The following SRGAP1 variants were observed in gnomAD, a reference collection of about 807,000 sequenced individuals.
SRGAP1 encodes the protein SLIT-ROBO Rho GTPase-activating protein 1.
A neutral mutation model predicts 121.9 loss-of-function variants in SRGAP1; 43 were observed. That is an observed-to-expected ratio of 0.35 (90% confidence interval 0.28 to 0.46). SRGAP1 has a LOEUF of 0.46. Among genes scored for constraint, SRGAP1 ranks in the 20% least tolerant of loss-of-function variants. SRGAP1 has a pLI of 1.00. For missense variants in SRGAP1, 1,102 were observed against 1,350.9 expected, an observed-to-expected ratio of 0.82 and a Z score of 2.89; for synonymous variants, 447 against 485.4, an observed-to-expected ratio of 0.92 and a Z score of 1.04.
At position 63,882,737 on chromosome 12, in the gene SRGAP1, G is replaced by A. The variant is rs1900236725; in HGVS notation, c.67+37854G>A. Among the ~76,000 whole-genome samples the A allele has an allele frequency of 2.0e-5, 3 of 152,090 alleles. No homozygotes were observed. The South Asian group carries it at 6.2e-4, about 32-fold the overall frequency. ...TATTGAATTTATTTACAGACTGTTG[G>A]TTAAAATCAAGTAACTGCTTTGTAA... On this transcript the variant is annotated intron_variant, in intron 1 of 21. Transcript: ENST00000355086.
chr12:63,990,158 G>A (rs748538303), intron 3 of SRGAP1, 86 bp downstream of exon 3: 1 of 1,052,744 alleles, frequency 9.5e-7, no homozygotes, highest in South Asian at 1.7e-5. Flanking sequence ...TGAAAAATTA[G>A]GTGAATGAAT....
Position 64,146,630 on chromosome 12 carries a change from A to G in SRGAP1, c.*3958A>G, listed in dbSNP as rs2037056472. On this transcript the variant is annotated 3_prime_UTR_variant, in exon 22 of 22. Transcript: ENST00000355086. ...TGAGAGGCCATTTTTTGTGCAGGAA[A>G]TGTGCTTAGGACTCAGTCTTGTTTT... is the stretch of plus-strand genomic sequence containing the variant. 6.6e-6 allele frequency: 1 copy of G among 152,136 alleles called. No individual in the cohort carries two copies. The highest frequency in any genetic ancestry group is 2.4e-5 in the African/African-American group (1 of 41,430). The allele number at this position is 152,136 out of a possible 1,614,324, so 9.4% of individuals were successfully genotyped here.
intron 6 of SRGAP1, among the ~76,000 whole-genome samples, chr12:64,057,606 A>G (rs374478339): frequency 3.3e-5 from 5 of 152,176 alleles, no homozygotes; most frequent in African/African-American, 1.2e-4. Context: ...AAGGCTCAAA[A>G]TAAGGAGTGG....
chr12:63,941,507 T>C (rs1358393222), intron 1 of SRGAP1, among the ~76,000 whole-genome samples: 1 of 152,184 alleles, frequency 6.6e-6, no homozygotes, highest in Non-Finnish European at 1.5e-5. Context: ...GAGGTGAAGC[T>C]CATGGTTTTC....
chr12:64,036,784 G>A (rs2034914242), intron 4 of SRGAP1, among the ~76,000 whole-genome samples: 2 of 152,220 alleles, frequency 1.3e-5, no homozygotes, highest in African/African-American at 4.8e-5. Flanking sequence ...TATTTGTTAA[G>A]TGAATAAATG....
rs893348448 is a variant in SRGAP1 at position 64,038,805 on chromosome 12, G to A, written c.490-3985G>A. 4 of 152,300 alleles carry A rather than the reference G, an allele frequency of 2.6e-5. No individual in the cohort carries two copies. In the South Asian group the frequency reaches 8.3e-4, roughly 32 times the overall value. The allele number at this position is 152,300 out of a possible 1,614,324, so 9.4% of individuals were successfully genotyped here. A position where few individuals can be genotyped will look rare whatever the true frequency, so the allele number is the denominator to read the frequency against. On this transcript the variant is annotated intron_variant, in intron 4 of 21. Coordinates refer to ENST00000355086, the MANE Select transcript of SRGAP1 (RefSeq NM_020762.4). ...GTGTATTGAATGGAGAATTATGCAT[G>A]AAGTTTTAGTAGAGAAGAATTCAAA...
chr12:63,969,724 G>A (rs966759043), intron 1 of SRGAP1, among the ~76,000 whole-genome samples: 1 of 151,848 alleles, frequency 6.6e-6, no homozygotes, highest in Non-Finnish European at 1.5e-5. Context: ...AACCCGGGAG[G>A]CAGAGCTTGC....
intron 1 of SRGAP1, among the ~76,000 whole-genome samples, chr12:63,954,783 G>A (rs2032410947): frequency 6.6e-6 from 1 of 151,964 alleles, no homozygotes; most frequent in African/African-American, 2.4e-5. Flanking sequence ...GAGCTTTGCT[G>A]CTTCCTAGTT....
intron 1 of SRGAP1, among the ~76,000 whole-genome samples, chr12:63,940,001 G>A (rs539185535): frequency 4.7e-5 from 7 of 149,960 alleles, no homozygotes; most frequent in South Asian, 4.3e-4. Flanking sequence ...TCTCTCTGTC[G>A]CCCAGGCTGG....
intron 10 of SRGAP1, 120 bp downstream of exon 10, chr12:64,080,490 A>C (rs1189339348): frequency 2.2e-6 from 2 of 915,012 alleles, no homozygotes; most frequent in Admixed American, 4.0e-5. Context: ...CTCTGTGTTT[A>C]GATTTGGTTT....
rs910473270 is a variant in SRGAP1, at chr12:64,035,772, G to T, written c.490-7018G>T. Among the ~76,000 whole-genome samples the T allele has an allele frequency of 5.3e-5, 8 of 152,258 alleles. No homozygotes were observed. In the East Asian group the frequency reaches 1.2e-3, roughly 22 times the overall value. ...TGAAATAGCAAAAAGGCATCTGTTG[G>T]TCTGCTTTTATTGTACCTCAGTTCT... On this transcript the variant is annotated intron_variant, in intron 4 of 21. Transcript: ENST00000355086.
Position 64,086,929 on chromosome 12 carries a change from A to G in SRGAP1, c.1409-70A>G, listed in dbSNP as rs971358649. On this transcript the variant is annotated intron_variant, in intron 10 of 21. Transcript: ENST00000355086. ...AGTGTTTTAAAATACCGGATAGGAGATACAAAAGAGTACCACATACACTCT... is the reference window on the plus strand; with the variant it reads ...AGTGTTTTAAAATACCGGATAGGAGGTACAAAAGAGTACCACATACACTCT... 6 of 1,149,616 alleles carry G rather than the reference A, an allele frequency of 5.2e-6. No homozygotes were observed. In the African/African-American group the frequency reaches 9.2e-5, roughly 18 times the overall value. 71.2% of individuals were successfully genotyped at this position (1,149,616 alleles called of 1,614,324 possible). A position where few individuals can be genotyped will look rare whatever the true frequency, so the allele number is the denominator to read the frequency against.
At chr12:64,008,455 A>G (rs1456793215) in intron 3 of SRGAP1, among the ~76,000 whole-genome samples, 1 of 152,184 alleles carries the variant, frequency 6.6e-6, no homozygotes, top group Non-Finnish European at 1.5e-5. Flanking sequence ...AGGTGGTGCT[A>G]TTCAGCCAAA....
chr12:63,850,167 G>A lies in SRGAP1; in HGVS notation c.67+5284G>A, dbSNP rs571850753. Among the ~76,000 whole-genome samples, 8 of 152,206 alleles carry A rather than the reference G, an allele frequency of 5.3e-5. No homozygotes were observed. In the East Asian group the frequency reaches 5.8e-4, roughly 11 times the overall value. On this transcript the variant is annotated intron_variant, in intron 1 of 21. Coordinates refer to ENST00000355086, the MANE Select transcript of SRGAP1 (RefSeq NM_020762.4). ...CTGATGTTTTGGTGAAGCTGATTGC[G>A]CTACTGCAACAAGGCCTTTACAGTG... is the stretch of plus-strand genomic sequence containing the variant.
intron 4 of SRGAP1, among the ~76,000 whole-genome samples, chr12:64,027,857 G>A (rs796896999): frequency 1.3e-5 from 2 of 151,490 alleles, no homozygotes; most frequent in African/African-American, 2.4e-5. Flanking sequence ...AAAAGAAAAC[G>A]ATTCCATAGC....
At chr12:64,135,090 T>A (rs966765331) in intron 21 of SRGAP1, among the ~76,000 whole-genome samples, 1 of 152,160 alleles carries the variant, frequency 6.6e-6, no homozygotes, top group Admixed American at 6.5e-5. Flanking sequence ...GATGGCAGCA[T>A]GGGTCAGGGA....
chr12:64,110,045 C>T (rs2036406340), intron 16 of SRGAP1, among the ~76,000 whole-genome samples: 3 of 152,144 alleles, frequency 2.0e-5, no homozygotes. Context: ...TTAATCACCA[C>T]TGGAAAAAAG....
chr12:63,986,691 G>C (rs1163686365), intron 2 of SRGAP1, among the ~76,000 whole-genome samples: 1 of 152,180 alleles, frequency 6.6e-6, no homozygotes. Flanking sequence ...CCAAAGTACA[G>C]GGATGACAGG....
Position 64,128,109 on chromosome 12 carries a change from T to A in SRGAP1, c.2789T>A (p.Ile930Asn). 6.2e-7 allele frequency: 1 copy of A among 1,614,022 alleles called. No homozygotes were observed. The highest frequency in any genetic ancestry group is 8.5e-7 in the Non-Finnish European group (1 of 1,179,996). Reference protein sequence around the residue: ...NISRHDSLKKIDSPPIRRSTS... With the variant: ...NISRHDSLKKNDSPPIRRSTS... ...AGCCGGCACGACTCCCTCAAGAAGA[T>A]CGACAGCCCTCCCATTAGAAGGTCC... Residue 930 changes from isoleucine (I) to asparagine (N), a missense_variant, in exon 21 of 22, where the codon ATC becomes AAC. Around this residue, in one of 3 missense-constraint regions of SRGAP1, gnomAD observed 315 missense variants for 343.1 expected, o/e 0.92. Coordinates refer to ENST00000355086, the MANE Select transcript of SRGAP1 (RefSeq NM_020762.4).
Sources: allele counts gnomAD v4.1 joint callset (sites outside exome capture counted in the v4.1 genomes callset), GRCh38; gene constraint gnomAD v4.1.1; regional missense constraint gnomAD v4.1.1; transcripts MANE v1.5; gene names NCBI Gene and HGNC (gene_info 2026-07-23, HGNC 2026-07-21).